ATOSA: variants seen among roughly 807,000 people sequenced by gnomAD.
ATOSA encodes the protein atos homolog protein A.
chr15:52,666,892 A>T, the ATOSA span, among the ~76,000 whole-genome samples: 1 of 152,148 alleles, frequency 6.6e-6, no homozygotes, highest in Non-Finnish European at 1.5e-5. Flanking sequence ...GGGAGAATGA[A>T]TTAGCTGTAC....
At chr15:52,588,700 C>A in the ATOSA span, among the ~76,000 whole-genome samples, 1 of 152,212 alleles carries the variant, frequency 6.6e-6, no homozygotes, top group Non-Finnish European at 1.5e-5. Context: ...GATCCACCCG[C>A]CTCTGCCACC....
chr15:52,658,256 T>C, the ATOSA span: 1 of 152,266 alleles, frequency 6.6e-6, no homozygotes, highest in East Asian at 1.9e-4. Context: ...GAGGTGACAC[T>C]ACTTCTAAAG....
At chr15:52,654,696 A>G in the ATOSA span, among the ~76,000 whole-genome samples, 1 of 152,142 alleles carries the variant, frequency 6.6e-6, no homozygotes, top group Non-Finnish European at 1.5e-5. Flanking sequence ...AAGTTTTAAA[A>G]ACAAAACTAT....
the ATOSA span, chr15:52,609,124 G>A: frequency 7.5e-3 from 12,074 of 1,613,256 alleles, 227 homozygotes; most frequent in African/African-American, 0.072. Flanking sequence ...CTCCTGATAC[G>A]TACTTTGGAT....
chr15:52,692,417 C>T, the ATOSA span, among the ~76,000 whole-genome samples: 70 of 152,144 alleles, frequency 4.6e-4, no homozygotes, highest in African/African-American at 1.3e-3. Context: ...AGTGCAGTGG[C>T]GTGATCCCTG....
the ATOSA span, among the ~76,000 whole-genome samples, chr15:52,677,066 C>G: frequency 1.8e-3 from 281 of 152,128 alleles, 1 homozygote; most frequent in East Asian, 0.025. Flanking sequence ...TTCAATAGAC[C>G]TATTTTACCC....
chr15:52,661,946 A>AAAC, the ATOSA span, among the ~76,000 whole-genome samples: 1 of 151,478 alleles, frequency 6.6e-6, no homozygotes. Flanking sequence ...AAAAAAAAAA[A>AAAC]AAAAAACAGC....
At chr15:52,601,397 T>A in the ATOSA span, among the ~76,000 whole-genome samples, 1 of 152,036 alleles carries the variant, frequency 6.6e-6, no homozygotes, top group Admixed American at 6.6e-5. Context: ...TTTGATTTTT[T>A]AAGAAGCAGA....
chr15:52,666,504 A>G, the ATOSA span, among the ~76,000 whole-genome samples: 1 of 152,202 alleles, frequency 6.6e-6, no homozygotes, highest in African/African-American at 2.4e-5. Flanking sequence ...ATCCCCCAAT[A>G]ACCTTGTGAA....
At chr15:52,620,332 C>T in the ATOSA span, among the ~76,000 whole-genome samples, 17 of 152,130 alleles carry the variant, frequency 1.1e-4, no homozygotes, top group Admixed American at 2.6e-4. Flanking sequence ...AGAATTTATT[C>T]TTTGTTCTCC....
chr15:52,670,456 G>A, the ATOSA span, among the ~76,000 whole-genome samples: 5 of 152,166 alleles, frequency 3.3e-5, no homozygotes, highest in East Asian at 3.9e-4. Context: ...GGTAAGTTCC[G>A]AAGTTAGAAT....
chr15:52,652,706 A>G, the ATOSA span, among the ~76,000 whole-genome samples: 1 of 152,244 alleles, frequency 6.6e-6, no homozygotes, highest in African/African-American at 2.4e-5. Context: ...ATCTCTGACA[A>G]TACAAGATTT....
At chr15:52,684,666 A>AT in the ATOSA span, among the ~76,000 whole-genome samples, 1 of 152,186 alleles carries the variant, frequency 6.6e-6, no homozygotes, top group Non-Finnish European at 1.5e-5. Context: ...AGTGAATCTA[A>AT]TTTTTTAACT....
At chr15:52,669,041 TAGAGTAGCTG>T in the ATOSA span, among the ~76,000 whole-genome samples, 1 of 151,788 alleles carries the variant, frequency 6.6e-6, no homozygotes, top group African/African-American at 2.4e-5. Context: ...GCCTCAGTCC[TAGAGTAGCTG>T]AGATTACAGG....
At chr15:52,662,345 G>A in the ATOSA span, among the ~76,000 whole-genome samples, 1 of 152,088 alleles carries the variant, frequency 6.6e-6, no homozygotes, top group Non-Finnish European at 1.5e-5. Flanking sequence ...TCAAACTTCT[G>A]CCAGCAATTA....
chr15:52,608,252 G>C, the ATOSA span, among the ~76,000 whole-genome samples: 1 of 152,112 alleles, frequency 6.6e-6, no homozygotes, highest in Non-Finnish European at 1.5e-5. Flanking sequence ...GGAGAACAGA[G>C]CTAAAAGACC....
chr15:52,644,326 ATC>A, the ATOSA span, among the ~76,000 whole-genome samples: 5 of 152,258 alleles, frequency 3.3e-5, no homozygotes, highest in African/African-American at 7.2e-5. Flanking sequence ...CAATCAGATG[ATC>A]TCTGTTTCAG....
the ATOSA span, among the ~76,000 whole-genome samples, chr15:52,645,584 CTT>C: frequency 1.3e-5 from 2 of 152,144 alleles, no homozygotes; most frequent in African/African-American, 4.8e-5. Context: ...AAATGTATGA[CTT>C]AGAACTAGTC....
the ATOSA span, among the ~76,000 whole-genome samples, chr15:52,707,874 A>G: frequency 0.014 from 2,204 of 152,312 alleles, 57 homozygotes; most frequent in African/African-American, 0.051. Flanking sequence ...GCTCAAAGAT[A>G]CAAAATGGTA....
Sources: gnomAD v4.1 joint callset for allele counts (sites outside exome capture counted in the v4.1 genomes callset) on GRCh38, gnomAD v4.1.1 for gene constraint, MANE v1.5 for transcripts, NCBI Gene and HGNC (gene_info 2026-07-23, HGNC 2026-07-21) for gene names.